Variants in GAB3 observed in about 807,000 individuals in gnomAD.
GAB3 encodes GRB2-associated-binding protein 3.
In GAB3, 12 loss-of-function variants were observed where a neutral mutation model predicts 40.4. The ratio of observed to expected loss-of-function variants is 0.30; its 90% CI spans 0.19 to 0.48. The LOEUF (loss-of-function observed/expected upper bound fraction) is 0.48, where lower values mean the gene tolerates loss of function less well. Ranked by LOEUF, GAB3 falls within the 20% of genes least tolerant of loss-of-function variation. The pLI is 0.99. For missense variants in GAB3, 381 were observed against 461.9 expected (o/e 0.82, Z 1.61); for synonymous variants, 154 against 176.7 (o/e 0.87, Z 1.02).
intron 1 of GAB3, among the ~76,000 whole-genome samples, chrX:154,749,976 G>A (rs1557262489): frequency 1.8e-5 from 2 of 113,265 alleles, no homozygotes; most frequent in Admixed American, 1.9e-4. Context: ...AAGAGCACAA[G>A]GCTGAACCAC....
chrX:154,713,195 G>C lies in GAB3; in HGVS notation c.596+12C>G. The C allele has an allele frequency of 8.4e-7, 1 of 1,188,013 alleles. No individual in the cohort carries two copies. The highest frequency in any genetic ancestry group is 1.7e-5 in the African/African-American group (1 of 57,321). ...AGGCCCAGCTCAGACAGAGTCCTGGGCATAAGCATACCTGGTATGGTGCAG... is the reference window on the plus strand; with the variant it reads ...AGGCCCAGCTCAGACAGAGTCCTGGCCATAAGCATACCTGGTATGGTGCAG... On this transcript the variant is annotated intron_variant, in intron 3 of 9. Coordinates refer to ENST00000424127, the MANE Select transcript of GAB3 (RefSeq NM_001081573.3).
chrX:154,707,414 C>T (rs2070828424), intron 4 of GAB3, among the ~76,000 whole-genome samples: 1 of 111,806 alleles, frequency 8.9e-6, no homozygotes, highest in South Asian at 3.7e-4. Context: ...TTTAATCATT[C>T]CATGATATAG....
At position 154,699,324 on chromosome X, in the gene GAB3, C is replaced by A; in HGVS notation, c.1315G>T (p.Val439Leu). The change falls in exon 6 of 10, where the codon GTG becomes TTG. Residue 439 changes from valine (V) to leucine (L), a missense_variant. By Grantham distance (32) the Val-to-Leu change is conservative. Transcript: ENST00000424127. ...ELPANLEPPP[V>L]NRDLKPQRKS... The stretch of plus-strand genomic sequence containing the variant: ...CTCTGAGGCTTGAGATCTCTATTCA[C>A]TGGGGGAGGTTCCAGGTTTGCAGGC... The A allele has an allele frequency of 4.1e-6, 5 of 1,210,574 alleles. No individual in the cohort carries two copies. Among genetic ancestry groups the A allele is most frequent in the Non-Finnish European group, 5.6e-6 (5 of 894,532 alleles).
intron 1 of GAB3, among the ~76,000 whole-genome samples, chrX:154,728,252 G>A (rs1603427225): frequency 9.0e-6 from 1 of 111,718 alleles, no homozygotes; most frequent in Middle Eastern, 4.6e-3. Context: ...TCTGCATTTG[G>A]AGCTCTACGT....
At chrX:154,700,248 T>C (rs985535481) in intron 4 of GAB3, among the ~76,000 whole-genome samples, 189 bp from the exon 5 acceptor site, 1 of 111,972 alleles carries the variant, frequency 8.9e-6, no homozygotes, top group South Asian at 3.8e-4. Flanking sequence ...GTTTGAGTTC[T>C]CTCTGTGAAA....
At position 154,750,993 on chromosome X, in the gene GAB3, C is replaced by T; in HGVS notation, c.33G>A (p.Trp11Ter). The part of the protein sequence containing the change: MSAGDAVCTG[W>*]LVKSPPERKL... ...TCCTCTCGGGGGGCGACTTAACGAGCCAGCCGGTGCACACTGCGTCGCCCG... is the reference window on the plus strand; with the variant it reads ...TCCTCTCGGGGGGCGACTTAACGAGTCAGCCGGTGCACACTGCGTCGCCCG... The change falls in exon 1 of 10, where the codon TGG becomes TGA. Residue 11 changes from tryptophan (W) to a stop codon, truncating the protein, a stop_gained. Transcript: ENST00000424127. LOFTEE classifies it high-confidence loss of function. 1.2e-6 allele frequency: 1 copy of T among 822,386 alleles called. No individual in the cohort carries two copies. Among genetic ancestry groups the T allele is most frequent in the Non-Finnish European group, 1.5e-6 (1 of 675,877 alleles). The allele number at this position is 822,386 out of a possible 1,213,427, so 67.8% of individuals were successfully genotyped here.
rs180806337 is a variant in GAB3, at chrX:154,724,144, C to T, written c.73-7815G>A. 3.3e-4 allele frequency among the ~76,000 whole-genome samples: 37 copies of T among 110,690 alleles called. No homozygotes were observed. In the East Asian group the frequency reaches 9.9e-3, roughly 30 times the overall value. On this transcript the variant is annotated intron_variant, in intron 1 of 9. Coordinates refer to ENST00000424127, the MANE Select transcript of GAB3 (RefSeq NM_001081573.3). Reference sequence around the variant, plus strand: ...GGTGGATCACTTGAAGTCTGGAATTCGAGACCAGCCTGACCAACATGGTGA... The same window carrying T: ...GGTGGATCACTTGAAGTCTGGAATTTGAGACCAGCCTGACCAACATGGTGA...
At chrX:154,683,046 C>G (rs1280535935) in intron 8 of GAB3, among the ~76,000 whole-genome samples, 2 of 112,437 alleles carry the variant, frequency 1.8e-5, no homozygotes, top group Non-Finnish European at 3.8e-5. Flanking sequence ...TTCCTCCAAT[C>G]TGTTTTGATT....
At chrX:154,694,792 T>C (rs1557250257) in intron 8 of GAB3, among the ~76,000 whole-genome samples, 1 of 112,062 alleles carries the variant, frequency 8.9e-6, no homozygotes, top group Non-Finnish European at 1.9e-5. Context: ...TCACTTCCTT[T>C]TTCTGTTCTC....
chrX:154,745,693 GAA>G (rs782702977), intron 1 of GAB3, among the ~76,000 whole-genome samples: 6 of 111,922 alleles, frequency 5.4e-5, no homozygotes, highest in Non-Finnish European at 7.5e-5. Context: ...GAAAAGCCTT[GAA>G]AGACACTAAC....
rs782212807 is a variant in GAB3, at chrX:154,713,494, A to T, written c.377-68T>A. ...AACACGCACTCAAAATTTCTCCAAC[A>T]GCATCAAAGAAGCCAAACAGAAGAT... On this transcript the variant is annotated intron_variant, in intron 2 of 9. Coordinates refer to ENST00000424127, the MANE Select transcript of GAB3 (RefSeq NM_001081573.3). 6.4e-5 allele frequency: 57 copies of T among 894,235 alleles called. No homozygotes were observed. In the South Asian group the frequency reaches 1.1e-3, roughly 17 times the overall value. The allele number at this position is 894,235 out of a possible 1,213,427, so 73.7% of individuals were successfully genotyped here.
chrX:154,679,465 A>C, intron 9 of GAB3: 1 of 202,933 alleles, frequency 4.9e-6, no homozygotes, highest in South Asian at 7.4e-5. Context: ...CTCCAGTCTC[A>C]TATCAGGTTT....
At chrX:154,684,009 A>C (rs1175853932) in intron 8 of GAB3, among the ~76,000 whole-genome samples, 2 of 111,828 alleles carry the variant, frequency 1.8e-5, no homozygotes, top group Non-Finnish European at 3.8e-5. Context: ...TTTTATTCAC[A>C]CATTCATCAG....
intron 4 of GAB3, among the ~76,000 whole-genome samples, chrX:154,701,668 C>A (rs1310587493): frequency 8.9e-6 from 1 of 112,016 alleles, no homozygotes; most frequent in Non-Finnish European, 1.9e-5. Context: ...AGTAAAGTTG[C>A]AGGCCACAAA....
chrX:154,742,707 C>T (rs933960848), intron 1 of GAB3, among the ~76,000 whole-genome samples: 1 of 110,662 alleles, frequency 9.0e-6, no homozygotes, highest in Admixed American at 9.7e-5. Flanking sequence ...GGGGTCAATG[C>T]TAAGGGAAAG....
intron 8 of GAB3, among the ~76,000 whole-genome samples, chrX:154,689,376 C>T (rs782579237): frequency 1.8e-5 from 2 of 111,648 alleles, no homozygotes; most frequent in South Asian, 7.6e-4. Flanking sequence ...TGCCCTCTCT[C>T]ACCACTCCTA....
At chrX:154,702,706 A>G (rs1170443443) in intron 4 of GAB3, among the ~76,000 whole-genome samples, 5 of 112,501 alleles carry the variant, frequency 4.4e-5, no homozygotes, top group Non-Finnish European at 9.4e-5. Flanking sequence ...AGAAGCTCAA[A>G]CAACTCTATA....
intron 6 of GAB3, among the ~76,000 whole-genome samples, chrX:154,698,147 T>C (rs2070689124): frequency 8.9e-6 from 1 of 112,847 alleles, no homozygotes; most frequent in Non-Finnish European, 1.9e-5. Flanking sequence ...AAGGGTTCAA[T>C]AGCCATTATC....
Position 154,726,881 on chromosome X carries a change from T to C in GAB3, c.73-10552A>G, listed in dbSNP as rs1036286529. Among the ~76,000 whole-genome samples, 3 of 111,096 alleles carry C rather than the reference T, an allele frequency of 2.7e-5. No individual in the cohort carries two copies. In the Admixed American group the frequency reaches 2.9e-4, roughly 11 times the overall value. On this transcript the variant is annotated intron_variant, in intron 1 of 9. Transcript: ENST00000424127. ...TCAAAACATTCCAAATCAATCCACTTCTCTCCATGCACCACCCCTGCCCCA... is the reference window on the plus strand; with the variant it reads ...TCAAAACATTCCAAATCAATCCACTCCTCTCCATGCACCACCCCTGCCCCA...
Sources: gnomAD v4.1 joint callset for allele counts (sites outside exome capture counted in the v4.1 genomes callset) on GRCh38, gnomAD v4.1.1 for gene constraint, MANE v1.5 for transcripts, NCBI Gene and HGNC (gene_info 2026-07-23, HGNC 2026-07-21) for gene names.